ABCD4: variants seen among roughly 807,000 people sequenced by gnomAD.
ABCD4 encodes ATP binding cassette subfamily D member 4, also known as lysosomal cobalamin transporter ABCD4.
In ABCD4, 53 loss-of-function variants were observed where a neutral mutation model predicts 86.3. The observed-to-expected ratio is 0.61, with a 90% CI of 0.49 to 0.77. The LOEUF is 0.77. Among genes scored for constraint, ABCD4 ranks in the 30% least tolerant of loss-of-function variants. ABCD4 has a pLI of 0.00. For synonymous variants in ABCD4, 328 were observed against 313.6 expected, an observed-to-expected ratio of 1.05 and a Z score of -0.49; for missense variants, 757 against 764.5, an observed-to-expected ratio of 0.99 and a Z score of 0.12.
intron 8 of ABCD4, 85 bp from the exon 9 acceptor site, chr14:74,292,954 C>T: frequency 1.9e-6 from 3 of 1,586,604 alleles, no homozygotes; most frequent in Admixed American, 3.4e-5. Context: ...AGCAGGACGC[C>T]AAGTAGGGCC....
chr14:74,297,151 A>C (rs928916860), intron 4 of ABCD4: 1 of 152,312 alleles, frequency 6.6e-6, no homozygotes, highest in African/African-American at 2.4e-5. Flanking sequence ...ACCTTGGGCA[A>C]GTCACTTGCA....
In ABCD4 at chr14:74,285,465, T is replaced by TA. The variant is rs1353492800; in HGVS notation, c.*995dup. ...ATTTTTAGTTACTTTCCATCTATGTTAAGTGTAAAATTTCACTTAAAAATC... is the reference window on the plus strand; with the variant it reads ...ATTTTTAGTTACTTTCCATCTATGTTAAAGTGTAAAATTTCACTTAAAAATC... On this transcript the variant is annotated 3_prime_UTR_variant, in exon 19 of 19. Coordinates refer to ENST00000356924, the MANE Select transcript of ABCD4 (RefSeq NM_005050.4). 2 of 152,212 alleles carry TA rather than the reference T, an allele frequency of 1.3e-5. No homozygotes were observed. Among genetic ancestry groups the TA allele is most frequent in the Non-Finnish European group, 2.9e-5 (2 of 68,036 alleles). 9.4% of individuals were successfully genotyped at this position (152,212 alleles called of 1,614,324 possible). A position where few individuals can be genotyped will look rare whatever the true frequency, so the allele number is the denominator to read the frequency against.
At position 74,287,814 on chromosome 14, in the gene ABCD4, G is replaced by GT; in HGVS notation, c.1631dup (p.Tyr544Ter). The change falls in exon 17 of 19, where the codon TAC (tyrosine) becomes TAAC (stop). Residue 544 changes from tyrosine (Y) to a stop codon, truncating the protein, a stop_gained and frameshift_variant. Coordinates refer to ENST00000356924, the MANE Select transcript of ABCD4 (RefSeq NM_005050.4). LOFTEE classifies it high-confidence loss of function. ...AGCCACAAGGCGAGACCTCACCTGC[G>GT]TACTTCGGCTGCAGGTAGAAGAGTC... ...FARLFYLQPK[Y>*]AVLDEATSAL... The GT allele has an allele frequency of 1.2e-6, 2 of 1,611,210 alleles. No individual in the cohort carries two copies. Among genetic ancestry groups the GT allele is most frequent in the South Asian group, 1.1e-5 (1 of 90,430 alleles).
chr14:74,297,961 G>A lies in ABCD4; in HGVS notation c.394C>T (p.Leu132Phe). ...TCGATGTCATCCCGCAGCACGTTGAGGGTGTAGTACGCACGGCCCCGGAAG... is the reference window on the plus strand; with the variant it reads ...TCGATGTCATCCCGCAGCACGTTGAAGGTGTAGTACGCACGGCCCCGGAAG... ...LYFRGRAYYTLNVLRDDIDNP... is the reference protein window; with the variant it reads ...LYFRGRAYYTFNVLRDDIDNP... The change falls in exon 4 of 19, where the codon CTC becomes TTC. Residue 132 changes from leucine to phenylalanine, a missense_variant. Coordinates refer to ENST00000356924, the MANE Select transcript of ABCD4 (RefSeq NM_005050.4). 1 of 1,613,764 alleles carries A rather than the reference G, an allele frequency of 6.2e-7. No homozygotes were observed.
chr14:74,293,029 T>G (rs74063818), intron 8 of ABCD4, 125 bp downstream of exon 8: 6 of 1,440,628 alleles, frequency 4.2e-6, no homozygotes, highest in Non-Finnish European at 5.7e-6. Flanking sequence ...CCCCCCCTCC[T>G]CATCCCCGGT....
At chr14:74,292,031 C>T (rs546234165) in intron 11 of ABCD4, among the ~76,000 whole-genome samples, 2 of 152,250 alleles carry the variant, frequency 1.3e-5, no homozygotes, top group Admixed American at 1.3e-4. Context: ...AAGGGGAGGA[C>T]ACTGCAGATT....
chr14:74,293,024 C>T lies in ABCD4; in HGVS notation c.814+130G>A, dbSNP rs1459378276. 11 of 1,439,892 alleles carry T rather than the reference C, an allele frequency of 7.6e-6. No homozygotes were observed. In the East Asian group the frequency reaches 1.1e-4, roughly 15 times the overall value. 89.2% of individuals were successfully genotyped at this position (1,439,892 alleles called of 1,614,324 possible). ...TACTCACAGAAAGGCAACAGCCCCCCCTCCTCATCCCCGGTTAATTCCTTC... is the reference window on the plus strand; with the variant it reads ...TACTCACAGAAAGGCAACAGCCCCCTCTCCTCATCCCCGGTTAATTCCTTC... On this transcript the variant is annotated intron_variant, in intron 8 of 18. Transcript: ENST00000356924.
chr14:74,299,232 G>A (rs763165202), intron 3 of ABCD4: 33 of 248,298 alleles, frequency 1.3e-4, no homozygotes, highest in Non-Finnish European at 2.5e-4. Flanking sequence ...TCTGGCTGCT[G>A]AGCCGTTTTA....
chr14:74,290,302 G>A lies in ABCD4; in HGVS notation c.1316C>T (p.Thr439Met), dbSNP rs200761248. ...GGCCTGGCTCTCACCCCGTGTACTCGTCCAGAGGCCACCCAGAACCCGGAG... is the reference window on the plus strand; with the variant it reads ...GGCCTGGCTCTCACCCCGTGTACTCATCCAGAGGCCACCCAGAACCCGGAG... ...SLLRVLGGLW[T>M]STRGSVQMLT... The change falls in exon 12 of 19, where the codon ACG (threonine) becomes ATG (methionine). Residue 439 changes from threonine to methionine, a missense_variant. Coordinates refer to ENST00000356924, the MANE Select transcript of ABCD4 (RefSeq NM_005050.4). 6.4e-5 allele frequency: 104 copies of A among 1,614,158 alleles called. No individual in the cohort carries two copies. The highest frequency in any genetic ancestry group is 5.6e-4 in the South Asian group (51 of 91,084).
intron 10 of ABCD4, 34 bp downstream of exon 10, chr14:74,292,517 G>T: frequency 1.9e-6 from 3 of 1,608,984 alleles, no homozygotes; most frequent in South Asian, 2.2e-5. Context: ...CACACACTTT[G>T]CTCAGGAGCC....
intron 13 of ABCD4, chr14:74,289,767 G>C: frequency 7.0e-7 from 1 of 1,435,014 alleles, no homozygotes; most frequent in Non-Finnish European, 9.1e-7. Flanking sequence ...ATCCGACCTT[G>C]GGTGTTTGAC....
At chr14:74,297,684 T>G in intron 4 of ABCD4, 33 of 1,169,764 alleles carry the variant, frequency 2.8e-5, no homozygotes, top group South Asian at 6.3e-5. Flanking sequence ...CTCAGCCTCC[T>G]GAGTTGTTGG....
rs772370453 is a variant in ABCD4 at position 74,290,455 on chromosome 14, A to C, written c.1163T>G (p.Leu388Arg). Residue 388 changes from leucine (L) to arginine (R), a missense_variant, in exon 12 of 19, where the codon CTC becomes CGC. Coordinates refer to ENST00000356924, the MANE Select transcript of ABCD4 (RefSeq NM_005050.4). ...GGCAGAGATGGAGACCCGCTCAAGG[A>C]GAAATGCTGTGTCTGCTGGCTCTGC... ...PAAEPADTAF[L>R]LERVSISAPS... 1 of 1,613,990 alleles carries C rather than the reference A, an allele frequency of 6.2e-7. No individual in the cohort carries two copies. The highest frequency in any genetic ancestry group is 2.2e-5 in the East Asian group (1 of 44,866).
At position 74,300,183 on chromosome 14, in the gene ABCD4, T is replaced by C. The variant is rs1595083140; in HGVS notation, c.124A>G (p.Met42Val). 1.9e-6 allele frequency: 3 copies of C among 1,569,374 alleles called. No homozygotes were observed. The highest frequency in any genetic ancestry group is 1.7e-6 in the Non-Finnish European group (2 of 1,151,356). ...GTCAGGCACAAAAGGGTCAGGAACA[T>C]CAAGGCATTTTGTGATGACCAAGAA... Reference protein sequence around the residue: ...FPSWSSQNALMFLTLLCLTLL... With the variant: ...FPSWSSQNALVFLTLLCLTLL... The change falls in exon 2 of 19, where the codon ATG becomes GTG. Residue 42 changes from methionine to valine, a missense_variant. By Grantham distance (21) the Met-to-Val change is conservative (BLOSUM62 1). Transcript: ENST00000356924.
chr14:74,294,764 C>A, intron 7 of ABCD4: 1 of 192,206 alleles, frequency 5.2e-6, no homozygotes, highest in Non-Finnish European at 1.1e-5. Flanking sequence ...CATTCCATCC[C>A]ACGCTACGGA....
rs59974452 is a variant in ABCD4, at chr14:74,285,800, G to C, written c.*661C>G. ...AAGGTAGGGCAGACCAAAGGCCCCT[G>C]GAAGTTAGTGGTTCAGGTTCTAACT... On this transcript the variant is annotated 3_prime_UTR_variant, in exon 19 of 19. Coordinates refer to ENST00000356924, the MANE Select transcript of ABCD4 (RefSeq NM_005050.4). 6.6e-6 allele frequency: 1 copy of C among 152,138 alleles called. No individual in the cohort carries two copies. The allele number at this position is 152,138 out of a possible 1,614,324, so 9.4% of individuals were successfully genotyped here.
At chr14:74,297,825 C>T (rs374509198) in intron 4 of ABCD4, 105 bp downstream of exon 4, 101 of 1,473,404 alleles carry the variant, frequency 6.9e-5, no homozygotes, top group African/African-American at 1.7e-4. Flanking sequence ...CATTTGAAAA[C>T]GACTGCAGAT....
At chr14:74,300,331 T>C in intron 1 of ABCD4, 63 bp from the exon 2 acceptor site, 1 of 1,076,638 alleles carries the variant, frequency 9.3e-7, no homozygotes, top group South Asian at 1.3e-5. Context: ...AGGGAGTAGT[T>C]ATTAAGCTCA....
At position 74,286,160 on chromosome 14, in the gene ABCD4, T is replaced by G; in HGVS notation, c.*301A>C. On this transcript the variant is annotated 3_prime_UTR_variant, in exon 19 of 19. Transcript: ENST00000356924. ...TTCTTACAGATCTCACACTTCCAGA[T>G]TTCTCTTTAGCAAACATGATCTGAA... 3.7e-6 allele frequency: 1 copy of G among 270,276 alleles called. No individual in the cohort carries two copies. Among genetic ancestry groups the G allele is most frequent in the Non-Finnish European group, 7.0e-6 (1 of 143,700 alleles). The allele number at this position is 270,276 out of a possible 1,614,324, so 16.7% of individuals were successfully genotyped here. A position where few individuals can be genotyped will look rare whatever the true frequency, so the allele number is the denominator to read the frequency against.
Sources: gnomAD v4.1 joint callset for allele counts (sites outside exome capture counted in the v4.1 genomes callset) on GRCh38, gnomAD v4.1.1 for gene constraint, MANE v1.5 for transcripts, NCBI Gene and HGNC (gene_info 2026-07-23, HGNC 2026-07-21) for gene names.